The following EXOC4 variants were observed in gnomAD, a reference collection of about 807,000 sequenced individuals.
The protein encoded by EXOC4 is exocyst complex component 4, also known as SEC8-like 1.
Under a neutral mutation model 107.2 loss-of-function variants are expected in EXOC4, and 71 were observed. The ratio of observed to expected loss-of-function variants is 0.66; its 90% CI spans 0.55 to 0.81. The LOEUF is 0.81. Among genes scored for constraint, EXOC4 ranks in the 30% least tolerant of loss-of-function variants. The probability of loss-of-function intolerance (pLI) is 0.00; values close to 1 mark genes in which losing one functional copy is unlikely to be tolerated. For synonymous variants in EXOC4, 456 were observed against 441.2 expected (o/e 1.03, Z -0.42); for missense variants, 1,108 against 1,189.6 (o/e 0.93, Z 1.01).
intron 10 of EXOC4, among the ~76,000 whole-genome samples, chr7:133,638,036 C>T (rs562485213): frequency 3.3e-5 from 5 of 151,810 alleles, no homozygotes; most frequent in South Asian, 2.1e-4. Context: ...GTAGGGAAAA[C>T]GGGAAATGTT....
rs566311080 is a variant in EXOC4, at chr7:133,944,799, C to T, written c.2206+6730C>T. On this transcript the variant is annotated intron_variant, in intron 14 of 17. Transcript: ENST00000253861. ...CTGTGGGAGGAGCTGTTTTTTAATA[C>T]CTTGAGCCACTTGACTAAGGCCTGT... is the stretch of plus-strand genomic sequence containing the variant. Among the ~76,000 whole-genome samples the T allele has an allele frequency of 3.9e-5, 6 of 152,200 alleles. No individual in the cohort carries two copies. The South Asian group carries it at 1.2e-3, about 32-fold the overall frequency.
intron 15 of EXOC4, among the ~76,000 whole-genome samples, chr7:134,000,814 A>C (rs1794515273): frequency 6.6e-6 from 1 of 152,204 alleles, no homozygotes. Flanking sequence ...CTGTAATAGT[A>C]CAGATAGAAG....
At chr7:133,552,936 G>T (rs1400872219) in intron 9 of EXOC4, among the ~76,000 whole-genome samples, 1 of 152,014 alleles carries the variant, frequency 6.6e-6, no homozygotes, top group Admixed American at 6.6e-5. Flanking sequence ...CATTAATAAA[G>T]GAAGGAGGAG....
At chr7:133,860,844 A>G (rs1016663983) in intron 11 of EXOC4, among the ~76,000 whole-genome samples, 1 of 151,594 alleles carries the variant, frequency 6.6e-6, no homozygotes, top group Non-Finnish European at 1.5e-5. Context: ...ATCCATTAAT[A>G]TGTATGATCT....
chr7:133,517,661 A>T (rs1799902967), intron 9 of EXOC4, among the ~76,000 whole-genome samples: 1 of 150,058 alleles, frequency 6.7e-6, no homozygotes, highest in African/African-American at 2.5e-5. Context: ...TCACTATCAT[A>T]AGAATAGCAT....
intron 7 of EXOC4, among the ~76,000 whole-genome samples, chr7:133,428,702 A>C (rs1015938232): frequency 6.6e-6 from 1 of 152,180 alleles, no homozygotes; most frequent in Non-Finnish European, 1.5e-5. Flanking sequence ...GGGTTCCTTC[A>C]GTTATATTCT....
At chr7:134,074,784 C>T in the EXOC4 span, among the ~76,000 whole-genome samples, 2 of 152,206 alleles carry the variant, frequency 1.3e-5, no homozygotes, top group African/African-American at 2.4e-5. Context: ...GCAACACACA[C>T]GAATCCACTA....
At chr7:133,309,487 T>G (rs1319343495) in intron 4 of EXOC4, among the ~76,000 whole-genome samples, 1 of 152,158 alleles carries the variant, frequency 6.6e-6, no homozygotes, top group Non-Finnish European at 1.5e-5. Flanking sequence ...TTCTCAGAGA[T>G]AAACTGTGAG....
intron 14 of EXOC4, among the ~76,000 whole-genome samples, chr7:133,943,968 G>A (rs1390921352): frequency 6.6e-6 from 1 of 152,010 alleles, no homozygotes; most frequent in Non-Finnish European, 1.5e-5. Context: ...TGGGGGTCCT[G>A]GGATTGATTT....
chr7:133,821,485 T>A (rs1797519783), intron 11 of EXOC4, among the ~76,000 whole-genome samples: 1 of 152,174 alleles, frequency 6.6e-6, no homozygotes, highest in South Asian at 2.1e-4. Flanking sequence ...TTTAGACAAT[T>A]TTTTTTAGCA....
chr7:133,311,242 AG>A (rs992151954), intron 4 of EXOC4, among the ~76,000 whole-genome samples: 3 of 151,894 alleles, frequency 2.0e-5, no homozygotes, highest in Non-Finnish European at 4.4e-5. Context: ...GGAGGTTATG[AG>A]GGGGGCATTT....
chr7:133,416,147 A>G (rs1251904194), intron 7 of EXOC4, among the ~76,000 whole-genome samples: 1 of 152,210 alleles, frequency 6.6e-6, no homozygotes, highest in Non-Finnish European at 1.5e-5. Context: ...GGAGTATACA[A>G]TATATGCTCT....
chr7:133,591,145 C>T (rs901407759), intron 9 of EXOC4, among the ~76,000 whole-genome samples: 3 of 152,230 alleles, frequency 2.0e-5, no homozygotes, highest in African/African-American at 7.2e-5. Context: ...ATTTCAATTG[C>T]AGCATCTCCC....
intron 9 of EXOC4, among the ~76,000 whole-genome samples, chr7:133,555,389 T>C (rs1315267379): frequency 6.6e-6 from 1 of 152,194 alleles, no homozygotes. Flanking sequence ...TTTTATTTCT[T>C]TAATAAAATT....
At chr7:133,809,983 T>G (rs1797178454) in intron 10 of EXOC4, among the ~76,000 whole-genome samples, 1 of 152,198 alleles carries the variant, frequency 6.6e-6, no homozygotes, top group Non-Finnish European at 1.5e-5. Context: ...AAGTTGCGCA[T>G]TTTTAGCAAG....
chr7:134,029,798 G>A (rs1766265578), intron 17 of EXOC4, among the ~76,000 whole-genome samples: 1 of 152,148 alleles, frequency 6.6e-6, no homozygotes, highest in African/African-American at 2.4e-5. Flanking sequence ...TGGGATTACA[G>A]GCATGAGCCA....
chr7:133,919,678 A>G (rs561429638), intron 13 of EXOC4, among the ~76,000 whole-genome samples: 1 of 152,260 alleles, frequency 6.6e-6, no homozygotes, highest in South Asian at 2.1e-4. Context: ...AGCAATGTGC[A>G]TTTAAGTTTC....
chr7:133,701,033 G>A (rs1174034519), intron 10 of EXOC4, among the ~76,000 whole-genome samples: 2 of 151,924 alleles, frequency 1.3e-5, no homozygotes, highest in African/African-American at 4.8e-5. Context: ...GAAAAGACCA[G>A]GTAAGCAGTA....
At chr7:133,481,061 A>AAG (rs1799144859) in intron 9 of EXOC4, 1 of 151,252 alleles carries the variant, frequency 6.6e-6, no homozygotes, top group African/African-American at 2.4e-5. Context: ...AAAAAAGAAA[A>AAG]AAAAAAAAAC....
Sources: allele counts gnomAD v4.1 joint callset (sites outside exome capture counted in the v4.1 genomes callset), GRCh38; gene constraint gnomAD v4.1.1; transcripts MANE v1.5; gene names NCBI Gene and HGNC (gene_info 2026-07-23, HGNC 2026-07-21).